Variants in ADAM12 observed in about 807,000 individuals in gnomAD.
ADAM12 encodes ADAM metallopeptidase domain 12, also known as disintegrin and metalloproteinase domain-containing protein 12.
In ADAM12, 70 loss-of-function variants were observed where a neutral mutation model predicts 106.4. That is an observed-to-expected ratio of 0.66 (90% CI 0.54 to 0.80). ADAM12 has a LOEUF of 0.80. Among genes scored for constraint, ADAM12 ranks in the 30% least tolerant of loss-of-function variants. ADAM12 has a pLI of 0.00. For missense variants in ADAM12, 1,010 were observed against 1,171.9 expected (o/e 0.86, Z 2.02); for synonymous variants, 420 against 433.5 (o/e 0.97, Z 0.39).
intron 1 of ADAM12, among the ~76,000 whole-genome samples, chr10:126,368,203 C>G (rs1008378246): frequency 1.3e-5 from 2 of 151,728 alleles, no homozygotes; most frequent in Non-Finnish European, 2.9e-5. Flanking sequence ...TTTGTGAAAC[C>G]TAGGTAGGTC....
chr10:126,031,376 G>A (rs1023629078), intron 21 of ADAM12, among the ~76,000 whole-genome samples: 1 of 152,236 alleles, frequency 6.6e-6, no homozygotes, highest in Non-Finnish European at 1.5e-5. Flanking sequence ...AGGTCCAGAA[G>A]GGCACATGCC....
chr10:126,288,142 G>C (rs1297280706), intron 2 of ADAM12, among the ~76,000 whole-genome samples: 1 of 152,110 alleles, frequency 6.6e-6, no homozygotes, highest in African/African-American at 2.4e-5. Flanking sequence ...CGGGCTGTCT[G>C]CTTGCCTCAC....
intron 12 of ADAM12, among the ~76,000 whole-genome samples, chr10:126,069,753 G>A (rs937759015): frequency 1.3e-5 from 2 of 152,300 alleles, no homozygotes. Context: ...ATAGTGGGGT[G>A]ATGGTGAGGG....
At chr10:126,318,468 TCACACTCA>T (rs1418066208) in intron 2 of ADAM12, among the ~76,000 whole-genome samples, 1 of 151,198 alleles carries the variant, frequency 6.6e-6, no homozygotes, top group African/African-American at 2.4e-5. Flanking sequence ...GCAGTGACAT[TCACACTCA>T]CACATTCACA....
chr10:126,136,274 A>G (rs1956404479), intron 4 of ADAM12, among the ~76,000 whole-genome samples: 1 of 152,240 alleles, frequency 6.6e-6, no homozygotes, highest in Non-Finnish European at 1.5e-5. Context: ...GTCACAGCTT[A>G]CAAAAAGAAA....
At chr10:126,372,006 A>G (rs778091460) in intron 1 of ADAM12, among the ~76,000 whole-genome samples, 13 of 152,232 alleles carry the variant, frequency 8.5e-5, no homozygotes, top group South Asian at 2.1e-4. Context: ...TCACATTATT[A>G]ACACAATCTC....
intron 3 of ADAM12, among the ~76,000 whole-genome samples, chr10:126,199,519 A>G (rs1957658321): frequency 6.6e-6 from 1 of 152,140 alleles, no homozygotes; most frequent in African/African-American, 2.4e-5. Context: ...AAACGCTCCC[A>G]TAAACCTCTG....
intron 4 of ADAM12, among the ~76,000 whole-genome samples, chr10:126,150,927 T>A (rs1397959473): frequency 2.0e-5 from 3 of 152,198 alleles, no homozygotes; most frequent in Non-Finnish European, 4.4e-5. Context: ...GTTACTTCCT[T>A]AGTGAAATGG....
intron 7 of ADAM12, 147 bp downstream of exon 7, chr10:126,109,628 A>G: frequency 1.7e-6 from 1 of 606,000 alleles, no homozygotes; most frequent in Non-Finnish European, 2.8e-6. Context: ...ATAAAATCAG[A>G]AAACCATTGT....
chr10:126,108,570 T>G, intron 8 of ADAM12, 23 bp downstream of exon 8: 1 of 1,599,972 alleles, frequency 6.3e-7, no homozygotes, highest in Non-Finnish European at 8.6e-7. Context: ...TCTGAATGAT[T>G]TAACTACTGA....
chr10:126,213,033 G>A (rs187705435), intron 3 of ADAM12, among the ~76,000 whole-genome samples: 7 of 152,152 alleles, frequency 4.6e-5, no homozygotes, highest in Admixed American at 3.3e-4. Context: ...CCCACCCTTC[G>A]AAGCCTTCCA....
chr10:126,174,080 T>A (rs1234217628), intron 3 of ADAM12, among the ~76,000 whole-genome samples: 1 of 141,272 alleles, frequency 7.1e-6, no homozygotes, highest in Non-Finnish European at 1.5e-5. Flanking sequence ...TGATCTTGGC[T>A]CACTGCAACC....
chr10:126,268,823 T>A (rs968281377), intron 3 of ADAM12, among the ~76,000 whole-genome samples: 2 of 152,176 alleles, frequency 1.3e-5, no homozygotes, highest in South Asian at 4.1e-4. Flanking sequence ...TCTGTGTTTA[T>A]GAACTCAGCA....
chr10:126,150,286 C>T (rs1006053822), intron 4 of ADAM12, among the ~76,000 whole-genome samples: 1 of 152,296 alleles, frequency 6.6e-6, no homozygotes, highest in East Asian at 1.9e-4. Flanking sequence ...AGGACATAAA[C>T]GTCAAATGTG....
chr10:126,296,183 C>T (rs1960371539), intron 2 of ADAM12, among the ~76,000 whole-genome samples: 1 of 152,102 alleles, frequency 6.6e-6, no homozygotes, highest in African/African-American at 2.4e-5. Flanking sequence ...TTCTGTTGCC[C>T]AGGCCTGGAG....
At chr10:126,338,021 A>G (rs1281937173) in intron 1 of ADAM12, among the ~76,000 whole-genome samples, 1 of 152,174 alleles carries the variant, frequency 6.6e-6, no homozygotes, top group African/African-American at 2.4e-5. Flanking sequence ...GGACAGAGCC[A>G]TTTGGAAATA....
intron 3 of ADAM12, among the ~76,000 whole-genome samples, chr10:126,180,434 C>T (rs1957292567): frequency 6.6e-6 from 1 of 152,174 alleles, no homozygotes; most frequent in Admixed American, 6.5e-5. Flanking sequence ...TTCATGTGAT[C>T]TCTGTACGTG....
At chr10:126,130,629 C>T (rs767035129) in intron 5 of ADAM12, among the ~76,000 whole-genome samples, 8 of 152,204 alleles carry the variant, frequency 5.3e-5, no homozygotes, top group African/African-American at 1.7e-4. Flanking sequence ...CCAGCGAGGT[C>T]GTCACCACCA....
At position 126,183,968 on chromosome 10, in the gene ADAM12, A is replaced by T. The variant is rs529974596; in HGVS notation, c.261-28663T>A. 2.0e-5 allele frequency among the ~76,000 whole-genome samples: 3 copies of T among 152,364 alleles called. No individual in the cohort carries two copies. In the East Asian group the frequency reaches 5.8e-4, roughly 29 times the overall value. ...ATGTAACACAATGAAATATCTAATA[A>T]TCTTTTCTTACATTATTATGATCCT... On this transcript the variant is annotated intron_variant, in intron 3 of 22. Coordinates refer to ENST00000448723, the MANE Select transcript of ADAM12 (RefSeq NM_001288973.2).
Sources: gnomAD v4.1 joint callset for allele counts (sites outside exome capture counted in the v4.1 genomes callset) on GRCh38, gnomAD v4.1.1 for gene constraint, MANE v1.5 for transcripts, NCBI Gene and HGNC (gene_info 2026-07-23, HGNC 2026-07-21) for gene names.